PIGR: variants seen among roughly 807,000 people sequenced by gnomAD.
PIGR encodes the protein polymeric immunoglobulin receptor, also known as hepatocellular carcinoma associated protein TB6.
Under a neutral mutation model 69.5 loss-of-function variants are expected in PIGR, and 22 were observed. The ratio of observed to expected loss-of-function variants is 0.32; its 90% confidence interval spans 0.23 to 0.45. The LOEUF (loss-of-function observed/expected upper bound fraction) is 0.45. PIGR is among the 20% of genes least tolerant of loss of function. The pLI, the probability that PIGR is intolerant of heterozygous loss-of-function variation, is 1.00. For missense variants in PIGR, 885 were observed against 974.0 expected, an observed-to-expected ratio of 0.91 and a Z score of 1.22; for synonymous variants, 413 against 407.6, an observed-to-expected ratio of 1.01 and a Z score of -0.16.
rs751460143 is a variant in PIGR at position 206,933,171 on chromosome 1, A to C, written c.1706-5T>G. 2 of 1,613,736 alleles carry C rather than the reference A, an allele frequency of 1.2e-6. No individual in the cohort carries two copies. The highest frequency in any genetic ancestry group is 1.7e-6 in the Non-Finnish European group (2 of 1,179,756). On this transcript the variant is annotated splice_region_variant and splice_polypyrimidine_tract_variant and intron_variant, in intron 6 of 10. Coordinates refer to ENST00000356495, the MANE Select transcript of PIGR (RefSeq NM_002644.4). Reference sequence around the variant, plus strand: ...CTAGGCTGACATCGCGGGACCCTGCAGCAGGGAAGAGTGGGCCTGGGTTGT... The same window carrying C: ...CTAGGCTGACATCGCGGGACCCTGCCGCAGGGAAGAGTGGGCCTGGGTTGT...
In PIGR at chr1:206,939,187, C is replaced by T. The variant is rs533610297; in HGVS notation, c.320G>A (p.Arg107His). The T allele has an allele frequency of 3.9e-5, 63 of 1,614,186 alleles. No homozygotes were observed. The East Asian group carries it at 6.9e-4, about 18-fold the overall frequency. Reference sequence around the variant, plus strand: ...ATTGATGCCCAGGCCACACTTGTAGCGCCCGGAGTCATCCTGGCTCAGCTG... The same window carrying T: ...ATTGATGCCCAGGCCACACTTGTAGTGCCCGGAGTCATCCTGGCTCAGCTG... ...IAQLSQDDSG[R>H]YKCGLGINSR... Residue 107 changes from arginine to histidine, a missense_variant, in exon 3 of 11, where the codon CGC (arginine) becomes CAC (histidine). By Grantham distance (29) the Arg-to-His change is conservative (BLOSUM62 0). Transcript: ENST00000356495.
intron 5 of PIGR, 95 bp from the exon 6 acceptor site, chr1:206,934,841 A>G (rs1679832884): frequency 3.0e-6 from 2 of 669,470 alleles, no homozygotes; most frequent in Non-Finnish European, 4.5e-6. Flanking sequence ...TCCACATGTC[A>G]TATACATATA....
intron 2 of PIGR, 115 bp downstream of exon 2, chr1:206,940,374 T>G: frequency 3.1e-6 from 3 of 976,008 alleles, no homozygotes; most frequent in Non-Finnish European, 4.5e-6. Flanking sequence ...AGTGCCAACT[T>G]TGAGAGGGAC....
Position 206,931,505 on chromosome 1 carries a change from C to G in PIGR, c.2191G>C (p.Ala731Pro). 1 of 1,613,954 alleles carries G rather than the reference C, an allele frequency of 6.2e-7. No individual in the cohort carries two copies. The highest frequency in any genetic ancestry group is 1.1e-5 in the South Asian group (1 of 91,068). The part of the protein sequence containing the change: ...STTETKEPKK[A>P]KRSSKEEAEM... ...TCCTTCTTCCTCCTCACCCTTTTTG[C>G]CTTCTTGGGTTCTTTGGTCTCTGTG... is the stretch of plus-strand genomic sequence containing the variant. Residue 731 changes from alanine (A) to proline (P), a missense_variant, in exon 10 of 11, where the codon GCA (alanine) becomes CCA (proline). By Grantham distance (27) the Ala-to-Pro change is conservative. Coordinates refer to ENST00000356495, the MANE Select transcript of PIGR (RefSeq NM_002644.4).
intron 6 of PIGR, among the ~76,000 whole-genome samples, chr1:206,933,786 T>C (rs968660926): frequency 3.3e-5 from 5 of 152,134 alleles, no homozygotes; most frequent in Non-Finnish European, 5.9e-5. Flanking sequence ...CAGTGATGTA[T>C]GCATATTATT....
intron 1 of PIGR, among the ~76,000 whole-genome samples, chr1:206,945,236 T>G (rs1002610578): frequency 6.6e-6 from 1 of 152,144 alleles, no homozygotes; most frequent in African/African-American, 2.4e-5. Flanking sequence ...GAAATTGGCA[T>G]CTCCTCTCCA....
rs377552062 is a variant in PIGR at position 206,932,487 on chromosome 1, C to T, written c.1977G>A (p.Gly659=). Residue 659 remains glycine, a synonymous_variant, in exon 8 of 11, where the codon GGG becomes GGA. Transcript: ENST00000356495. ...LVLAVGAVAV[G]VARARHRKNV... The stretch of plus-strand genomic sequence containing the variant: ...TCTTCCTGTGCCGGGCTCTGGCCAC[C>T]CCCACAGCCACGGCTCCCACTGCCA... The T allele has an allele frequency of 6.2e-7, 1 of 1,612,982 alleles. No homozygotes were observed. Among genetic ancestry groups the T allele is most frequent in the Non-Finnish European group, 8.5e-7 (1 of 1,179,958 alleles).
chr1:206,937,003 T>C lies in PIGR; in HGVS notation c.1045+92A>G, dbSNP rs1256101876. The C allele has an allele frequency of 6.8e-6, 8 of 1,182,294 alleles. No homozygotes were observed. The East Asian group carries it at 1.6e-4, about 23-fold the overall frequency. 73.2% of individuals were successfully genotyped at this position (1,182,294 alleles called of 1,614,324 possible). On this transcript the variant is annotated intron_variant, in intron 4 of 10. Coordinates refer to ENST00000356495, the MANE Select transcript of PIGR (RefSeq NM_002644.4). ...TGAGTGGATGCTGTTGGCTGATTGATGACTATTGATGAATACACTCAGAGG... is the reference window on the plus strand; with the variant it reads ...TGAGTGGATGCTGTTGGCTGATTGACGACTATTGATGAATACACTCAGAGG...
rs377048102 is a variant in PIGR, at chr1:206,940,525, G to A, written c.7C>T (p.Leu3Phe). 115 of 1,551,420 alleles carry A rather than the reference G, an allele frequency of 7.4e-5. No individual in the cohort carries two copies. Among genetic ancestry groups the A allele is most frequent in the Non-Finnish European group, 9.2e-5 (106 of 1,146,948 alleles). ...GCCAGCAGGCAGGTGAGCACGAAGA[G>A]CAGCATTGCTGGTGGGTCCCGAGCG... ML[L>F]FVLTCLLAVF... Residue 3 changes from leucine (L) to phenylalanine (F), a missense_variant, in exon 2 of 11, where the codon CTC becomes TTC. Leu to Phe is a conservative substitution (Grantham distance 22, BLOSUM62 0). Coordinates refer to ENST00000356495, the MANE Select transcript of PIGR (RefSeq NM_002644.4).
rs1204882189 is a variant in PIGR, at chr1:206,929,905, G to A, written c.*413C>T. The A allele has an allele frequency of 5.9e-6, 1 of 168,900 alleles. No individual in the cohort carries two copies. The highest frequency in any genetic ancestry group is 2.4e-5 in the African/African-American group (1 of 42,188). 10.5% of individuals were successfully genotyped at this position (168,900 alleles called of 1,614,324 possible). The stretch of plus-strand genomic sequence containing the variant: ...ATCTTTTGATGGAAGGAAAGAAGAA[G>A]AGGGGAAGGACGGGAGGGAGGGATG... On this transcript the variant is annotated 3_prime_UTR_variant, in exon 11 of 11. Coordinates refer to ENST00000356495, the MANE Select transcript of PIGR (RefSeq NM_002644.4).
Position 206,930,533 on chromosome 1 carries a change from G to C in PIGR, c.2200-120C>G. The C allele has an allele frequency of 7.2e-7, 1 of 1,385,966 alleles. No individual in the cohort carries two copies. Among genetic ancestry groups the C allele is most frequent in the South Asian group, 1.7e-5 (1 of 58,782 alleles). 85.9% of individuals were successfully genotyped at this position (1,385,966 alleles called of 1,614,324 possible). On this transcript the variant is annotated intron_variant, in intron 10 of 10. Transcript: ENST00000356495. This position sits in a 1 kb window ranked among gnomAD's most constrained non-coding sequence, Gnocchi z 4.3. ...CTTGGTCCAAGCAACACAAGCCTTT[G>C]GGGCCCACTGTTCTCATCCCAGCCC... is the stretch of plus-strand genomic sequence containing the variant.
chr1:206,939,319 C>G lies in PIGR; in HGVS notation c.188G>C (p.Gly63Ala). The change falls in exon 3 of 11, where the codon GGC (glycine) becomes GCC (alanine). Residue 63 changes from glycine (G) to alanine (A), a missense_variant. By Grantham distance (60) the Gly-to-Ala change is moderately conservative. Transcript: ENST00000356495. ...KYWCRQGARGGCITLISSEGY... is the reference protein window; with the variant it reads ...KYWCRQGARGACITLISSEGY... ...CTCCGAGGAGATGAGGGTTATGCAG[C>G]CACCTCTAGCTCCCTGCCGGCACCA... 1 of 1,614,242 alleles carries G rather than the reference C, an allele frequency of 6.2e-7. No homozygotes were observed. Among genetic ancestry groups the G allele is most frequent in the African/African-American group, 1.3e-5 (1 of 75,052 alleles).
chr1:206,944,662 C>T (rs923491899), intron 1 of PIGR, among the ~76,000 whole-genome samples: 1 of 152,134 alleles, frequency 6.6e-6, no homozygotes. Context: ...CATACTGTGT[C>T]GATGCCAGTG....
rs368223777 is a variant in PIGR at position 206,940,566 on chromosome 1, C to A, written c.-35G>T. ...GTCCCGAGCGCCGCACCACTCAGGC[C>A]GACTTCTCCTGTGCAATGCTGAAAA... On this transcript the variant is annotated 5_prime_UTR_variant, in exon 2 of 11. Coordinates refer to ENST00000356495, the MANE Select transcript of PIGR (RefSeq NM_002644.4). 6.5e-7 allele frequency: 1 copy of A among 1,543,802 alleles called. No individual in the cohort carries two copies. The highest frequency in any genetic ancestry group is 8.7e-7 in the Non-Finnish European group (1 of 1,143,148).
In PIGR at chr1:206,937,709, A is replaced by C. The variant is rs751239394; in HGVS notation, c.431T>G (p.Leu144Arg). 9.3e-6 allele frequency: 15 copies of C among 1,614,098 alleles called. No homozygotes were observed. The highest frequency in any genetic ancestry group is 3.3e-4 in the Middle Eastern group (2 of 6,062). ...GCAGTTGATGGTCACCGTTCTGCCC[A>C]GGTCCACTGTGTAGACTTTAGTGTC... ...LNDTKVYTVD[L>R]GRTVTINCPF... is the part of the protein sequence containing the mutation. Residue 144 changes from leucine (L) to arginine (R), a missense_variant, in exon 4 of 11, where the codon CTG (leucine) becomes CGG (arginine). Transcript: ENST00000356495.
At position 206,930,756 on chromosome 1, in the gene PIGR, C is replaced by A. The variant is rs2102595863; in HGVS notation, c.2200-343G>T. On this transcript the variant is annotated intron_variant, in intron 10 of 10. Transcript: ENST00000356495. The surrounding 1 kb of genome is among the most constrained non-coding windows in gnomAD (Gnocchi z 4.3). ...GTCAACCACGGTGGTGTATGTTTTTCTTTCTCCACCAGCCCAGACAGGTAG... is the reference window on the plus strand; with the variant it reads ...GTCAACCACGGTGGTGTATGTTTTTATTTCTCCACCAGCCCAGACAGGTAG... 1 of 985,382 alleles carries A rather than the reference C, an allele frequency of 1.0e-6. No individual in the cohort carries two copies. The highest frequency in any genetic ancestry group is 1.2e-6 in the Non-Finnish European group (1 of 829,914). The allele number at this position is 985,382 out of a possible 1,614,324, so 61.0% of individuals were successfully genotyped here.
At chr1:206,932,632 G>T in intron 7 of PIGR, 55 bp from the exon 8 acceptor site, 1 of 1,550,588 alleles carries the variant, frequency 6.4e-7, no homozygotes. Flanking sequence ...GGGGCCCGAC[G>T]ATGTGCTGGC....
chr1:206,935,410 A>T lies in PIGR; in HGVS notation c.1378+76T>A. On this transcript the variant is annotated intron_variant, in intron 5 of 10. Transcript: ENST00000356495. The surrounding 1 kb of genome is among the most constrained non-coding windows in gnomAD (Gnocchi z 4.4). The stretch of plus-strand genomic sequence containing the variant: ...CCATCAGGGTGGAGGCGGGTGAAAA[A>T]GGAGGAAGAGTGGTTGGGGATGCTG... The T allele has an allele frequency of 7.9e-7, 1 of 1,267,182 alleles. No homozygotes were observed. Among genetic ancestry groups the T allele is most frequent in the Non-Finnish European group, 1.1e-6 (1 of 895,120 alleles). 78.5% of individuals were successfully genotyped at this position (1,267,182 alleles called of 1,614,324 possible).
chr1:206,937,152 C>G lies in PIGR; in HGVS notation c.988G>C (p.Asp330His). Residue 330 changes from aspartate (D) to histidine (H), a missense_variant, in exon 4 of 11, where the codon GAT (aspartate) becomes CAT (histidine). By Grantham distance (81) the Asp-to-His change is moderately conservative. Coordinates refer to ENST00000356495, the MANE Select transcript of PIGR (RefSeq NM_002644.4). ...AGRYLCGAHS[D>H]GQLQEGSPIQ... Reference sequence around the variant, plus strand: ...GGCGAGCCTTCCTGCAGCTGACCATCCGAATGGGCTCCACACAGGTAGCGC... The same window carrying G: ...GGCGAGCCTTCCTGCAGCTGACCATGCGAATGGGCTCCACACAGGTAGCGC... 6.2e-7 allele frequency: 1 copy of G among 1,613,348 alleles called. No homozygotes were observed. Among genetic ancestry groups the G allele is most frequent in the South Asian group, 1.1e-5 (1 of 90,904 alleles).
Sources: allele counts gnomAD v4.1 joint callset (sites outside exome capture counted in the v4.1 genomes callset), GRCh38; gene constraint gnomAD v4.1.1; non-coding constraint Gnocchi (gnomAD v3.1); transcripts MANE v1.5; gene names NCBI Gene and HGNC (gene_info 2026-07-23, HGNC 2026-07-21).